Variants in CEP112 observed in about 807,000 individuals in gnomAD.
CEP112 encodes centrosomal protein of 112 kDa.
A neutral mutation model predicts 153.0 loss-of-function variants in CEP112; 127 were observed. That is an observed-to-expected ratio of 0.83 (90% CI 0.72 to 0.96). The LOEUF (loss-of-function observed/expected upper bound fraction) is 0.96. CEP112 is among the 40% of genes least tolerant of loss of function. The probability of loss-of-function intolerance (pLI) is 0.00; values close to 1 mark genes in which losing one functional copy is unlikely to be tolerated. For missense variants in CEP112, 1,089 were observed against 1,101.2 expected, an observed-to-expected ratio of 0.99 and a Z score of 0.16; for synonymous variants, 358 against 374.4, an observed-to-expected ratio of 0.96 and a Z score of 0.51.
intron 21 of CEP112, among the ~76,000 whole-genome samples, chr17:65,803,324 C>T (rs1024910875): frequency 7.2e-5 from 11 of 152,194 alleles, no homozygotes; most frequent in African/African-American, 2.7e-4. Flanking sequence ...AGCCACTACA[C>T]ATTTTGTGGT....
intron 6 of CEP112, among the ~76,000 whole-genome samples, chr17:66,104,698 T>C (rs952862856): frequency 9.2e-5 from 14 of 152,064 alleles, no homozygotes; most frequent in African/African-American, 2.4e-4. Flanking sequence ...ATTCCAGGCC[T>C]TGGGTCCTGG....
intron 21 of CEP112, among the ~76,000 whole-genome samples, chr17:65,833,465 GC>G (rs2057173216): frequency 6.6e-6 from 1 of 152,058 alleles, no homozygotes; most frequent in East Asian, 1.9e-4. Flanking sequence ...CACAGTTTTG[GC>G]CCCAAAGCTC....
chr17:65,995,675 G>T (rs2063758681), intron 17 of CEP112, among the ~76,000 whole-genome samples: 1 of 152,118 alleles, frequency 6.6e-6, no homozygotes, highest in Admixed American at 6.6e-5. Flanking sequence ...AAGTTTTATT[G>T]AAATTTCTCT....
intron 20 of CEP112, among the ~76,000 whole-genome samples, chr17:65,898,819 T>C (rs1372694258): frequency 6.6e-6 from 1 of 152,100 alleles, no homozygotes; most frequent in Non-Finnish European, 1.5e-5. Context: ...GGTCCTAAGA[T>C]GGTGACGCCA....
chr17:65,877,785 T>G (rs2058889564), intron 20 of CEP112, among the ~76,000 whole-genome samples: 1 of 152,182 alleles, frequency 6.6e-6, no homozygotes, highest in South Asian at 2.1e-4. Flanking sequence ...TCTATGGCCA[T>G]TAGTTTAAAA....
At chr17:65,691,849 C>T (rs901420029) in intron 23 of CEP112, among the ~76,000 whole-genome samples, 1 of 152,180 alleles carries the variant, frequency 6.6e-6, no homozygotes, top group Admixed American at 6.5e-5. Context: ...CTAATCCATC[C>T]TCACACCACT....
rs2051779670 is a variant in CEP112, at chr17:65,750,717, C to T, written c.2402G>A (p.Ser801Asn). 1.2e-6 allele frequency: 2 copies of T among 1,613,844 alleles called. No homozygotes were observed. The highest frequency in any genetic ancestry group is 4.5e-5 in the East Asian group (2 of 44,878). Residue 801 changes from serine (S) to asparagine (N), a missense_variant, in exon 22 of 27, where the codon AGC becomes AAC. Ser to Asn is a conservative substitution (Grantham distance 46). Transcript: ENST00000535342. ...ETEMTLEKANSKLKQIEKEYT... is the reference protein window; with the variant it reads ...ETEMTLEKANNKLKQIEKEYT... ...TTCCTTCTCAATCTGCTTCAGCTTGCTGTTGGCCTGAAAAACACATGTACA... is the reference window on the plus strand; with the variant it reads ...TTCCTTCTCAATCTGCTTCAGCTTGTTGTTGGCCTGAAAAACACATGTACA...
At chr17:65,713,984 C>T (rs2049350061) in intron 23 of CEP112, among the ~76,000 whole-genome samples, 1 of 152,138 alleles carries the variant, frequency 6.6e-6, no homozygotes, top group South Asian at 2.1e-4. Context: ...CTTCATCTGT[C>T]AATTGGATTT....
At chr17:65,852,821 T>C (rs1305131278) in intron 20 of CEP112, among the ~76,000 whole-genome samples, 2 of 151,970 alleles carry the variant, frequency 1.3e-5, no homozygotes, top group Non-Finnish European at 2.9e-5. Flanking sequence ...TATTCTTTCT[T>C]CTAACTTCTT....
intron 19 of CEP112, among the ~76,000 whole-genome samples, chr17:65,911,004 G>A (rs1021797275): frequency 3.9e-5 from 6 of 152,216 alleles, no homozygotes; most frequent in Non-Finnish European, 8.8e-5. Flanking sequence ...AATGGATGAT[G>A]TGTACAAAGT....
In CEP112 at chr17:66,028,401, G is replaced by T; in HGVS notation, c.1508C>A (p.Ser503Tyr). 1.3e-6 allele frequency: 2 copies of T among 1,542,594 alleles called. No homozygotes were observed. Among genetic ancestry groups the T allele is most frequent in the Middle Eastern group, 1.7e-4 (1 of 5,888 alleles). ...QEHALSASKA[S>Y]SMIEELEQNV... Reference sequence around the variant, plus strand: ...CTGCTCTAATTCTTCAATCATACTAGATGCCTACAAGGATTTTAAGAAGAA... The same window carrying T: ...CTGCTCTAATTCTTCAATCATACTATATGCCTACAAGGATTTTAAGAAGAA... The change falls in exon 15 of 27, where the codon TCT becomes TAT. Residue 503 changes from serine (S) to tyrosine (Y), a missense_variant. Transcript: ENST00000535342.
intron 21 of CEP112, chr17:65,826,081 A>T (rs933269848): frequency 6.4e-7 from 1 of 1,557,750 alleles, no homozygotes. Flanking sequence ...CAGCAATGAG[A>T]TTTATTTTTT....
intron 23 of CEP112, among the ~76,000 whole-genome samples, chr17:65,708,142 C>A (rs2049005921): frequency 6.6e-6 from 1 of 152,110 alleles, no homozygotes; most frequent in African/African-American, 2.4e-5. Flanking sequence ...AACTGACAAC[C>A]CCCCGCACTT....
chr17:65,909,014 A>G (rs2060185651), intron 19 of CEP112, among the ~76,000 whole-genome samples: 1 of 152,230 alleles, frequency 6.6e-6, no homozygotes, highest in Non-Finnish European at 1.5e-5. Flanking sequence ...AATTAGTGCT[A>G]GCAAATATGG....
intron 4 of CEP112, among the ~76,000 whole-genome samples, chr17:66,158,812 A>C (rs2071564647): frequency 6.6e-6 from 1 of 152,184 alleles, no homozygotes; most frequent in Admixed American, 6.5e-5. Context: ...AAGAGCAAAC[A>C]AAATCAAAAG....
chr17:65,669,093 G>A (rs147592655), intron 24 of CEP112, among the ~76,000 whole-genome samples: 4,417 of 152,258 alleles, frequency 0.029, 85 homozygotes, highest in Non-Finnish European at 0.042. Context: ...TTCAGTTTTC[G>A]GCAGGTGGGC....
In CEP112 at chr17:66,175,142, C is replaced by T; in HGVS notation, c.372G>A (p.Leu124=). The change falls in exon 4 of 27, where the codon CTG becomes CTA. Residue 124 remains leucine (L), a synonymous_variant. Transcript: ENST00000535342. ...SSPEGLPAWV[L]GELETSEHKL... ...TGTGTTCACTTGTCTCCAGCTCACC[C>T]AGTACCCAGGCTGGTAATCCCTCTG... 1 of 1,613,418 alleles carries T rather than the reference C, an allele frequency of 6.2e-7. No individual in the cohort carries two copies. Among genetic ancestry groups the T allele is most frequent in the Non-Finnish European group, 8.5e-7 (1 of 1,179,660 alleles).
At chr17:65,916,535 GCTT>G (rs1400568998) in intron 19 of CEP112, among the ~76,000 whole-genome samples, 6 of 151,688 alleles carry the variant, frequency 4.0e-5, no homozygotes, top group African/African-American at 1.5e-4. Flanking sequence ...CAGGAAAACA[GCTT>G]CTTTTTTTTT....
chr17:65,937,823 G>T (rs1439825298), intron 18 of CEP112, among the ~76,000 whole-genome samples: 1 of 86,016 alleles, frequency 1.2e-5, no homozygotes, highest in Non-Finnish European at 2.4e-5. Flanking sequence ...CCGGCCAGCC[G>T]CCCCGTCCGG....
Sources: gnomAD v4.1 joint callset for allele counts (sites outside exome capture counted in the v4.1 genomes callset) on GRCh38, gnomAD v4.1.1 for gene constraint, MANE v1.5 for transcripts, NCBI Gene and HGNC (gene_info 2026-07-23, HGNC 2026-07-21) for gene names.